Variants in TIMM17A observed in about 807,000 individuals in gnomAD.
TIMM17A encodes the protein translocase of inner mitochondrial membrane 17A, also known as mitochondrial import inner membrane translocase subunit Tim17-A.
TIMM17A carries 15 observed loss-of-function variants against 26.5 expected under a neutral mutation model. The observed-to-expected ratio is 0.57, with a 90% CI of 0.38 to 0.87. The LOEUF is 0.87. Among genes scored for constraint, TIMM17A ranks in the 40% least tolerant of loss-of-function variants. The pLI is 0.00. For missense variants in TIMM17A, 201 were observed against 210.0 expected, an observed-to-expected ratio of 0.96 and a Z score of 0.27; for synonymous variants, 80 against 70.8, an observed-to-expected ratio of 1.13 and a Z score of -0.66.
At chr1:201,965,052 A>G (rs1018084470) in intron 4 of TIMM17A, among the ~76,000 whole-genome samples, 1 of 151,952 alleles carries the variant, frequency 6.6e-6, no homozygotes, top group Admixed American at 6.6e-5. Flanking sequence ...CCTGGGTTCA[A>G]GCAATTCTCC....
At chr1:201,967,788 C>T (rs932858717) in intron 5 of TIMM17A, among the ~76,000 whole-genome samples, 2 of 152,018 alleles carry the variant, frequency 1.3e-5, no homozygotes, top group Admixed American at 6.6e-5. Flanking sequence ...CTCCCTGCCT[C>T]GGCCTCCCAA....
Position 201,957,376 on chromosome 1 carries a change from C to T in TIMM17A, c.122C>T (p.Pro41Leu). ...FQAIKGFRNS[P>L]VGVNHRLRGS... is the part of the protein sequence containing the mutation. ...GCAATCAAAGGTTTTCGCAATTCTC[C>T]AGTGGTAAGTGGGTGAATGGTCTTA... The change falls in exon 2 of 6, where the codon CCA (proline) becomes CTA (leucine). Residue 41 changes from proline (P) to leucine (L), a missense_variant. Physicochemically the swap from Pro to Leu is moderately conservative, Grantham distance 98. Transcript: ENST00000367287. 1 of 1,612,526 alleles carries T rather than the reference C, an allele frequency of 6.2e-7. No individual in the cohort carries two copies. The highest frequency in any genetic ancestry group is 8.5e-7 in the Non-Finnish European group (1 of 1,178,588).
intron 1 of TIMM17A, among the ~76,000 whole-genome samples, 175 bp downstream of exon 1, chr1:201,955,727 G>A (rs989248374): frequency 6.6e-6 from 1 of 152,212 alleles, no homozygotes; most frequent in African/African-American, 2.4e-5. Flanking sequence ...CCTGTACTTA[G>A]TACCTCCCCG....
In TIMM17A at chr1:201,957,646, A is replaced by T. The variant is rs560469476; in HGVS notation, c.190+72A>T. The stretch of plus-strand genomic sequence containing the variant: ...TGAAGATGGAGCTATTTTTATTTTT[A>T]GATTACAACAATTAGTGATTTTAGT... On this transcript the variant is annotated intron_variant, in intron 3 of 5. Transcript: ENST00000367287. 3.2e-4 allele frequency: 408 copies of T among 1,276,842 alleles called. 2 individuals are homozygous for T. In the African/African-American group the frequency reaches 5.7e-3, roughly 18 times the overall value. 79.1% of individuals were successfully genotyped at this position (1,276,842 alleles called of 1,614,324 possible).
chr1:201,969,719 A>G lies in TIMM17A; in HGVS notation c.*165A>G, dbSNP rs1682698474. The G allele has an allele frequency of 1.9e-6, 1 of 532,318 alleles. No homozygotes were observed. Among genetic ancestry groups the G allele is most frequent in the Middle Eastern group, 2.8e-4 (1 of 3,616 alleles). The allele number at this position is 532,318 out of a possible 1,614,324, so 33.0% of individuals were successfully genotyped here. ...TTCTATTTAAAGGAACAAGCGGGGA[A>G]GGGTGCTAAAAGATAATACGTTTAT... On this transcript the variant is annotated 3_prime_UTR_variant, in exon 6 of 6. Transcript: ENST00000367287.
rs140963262 is a variant in TIMM17A at position 201,957,681 on chromosome 1, C to T, written c.190+107C>T. On this transcript the variant is annotated intron_variant, in intron 3 of 5. Transcript: ENST00000367287. ...AATTAGTGATTTTAGTTTGGTCTAA[C>T]GGTTTGTCACAAACATATATCCCTA... is the stretch of plus-strand genomic sequence containing the variant. 2.9e-5 allele frequency: 27 copies of T among 920,814 alleles called. No homozygotes were observed. The East Asian group carries it at 4.9e-4, about 17-fold the overall frequency. 57.0% of individuals were successfully genotyped at this position (920,814 alleles called of 1,614,324 possible). A position where few individuals can be genotyped will look rare whatever the true frequency, so the allele number is the denominator to read the frequency against.
At chr1:201,955,719 T>TA (rs2102940050) in intron 1 of TIMM17A, among the ~76,000 whole-genome samples, 167 bp downstream of exon 1, 1 of 152,362 alleles carries the variant, frequency 6.6e-6, no homozygotes, top group East Asian at 1.9e-4. Context: ...TTCTTAGCCC[T>TA]GTACTTAGTA....
Position 201,969,586 on chromosome 1 carries a change from G to A in TIMM17A, c.*32G>A, listed in dbSNP as rs752146050. 4.5e-6 allele frequency: 7 copies of A among 1,563,210 alleles called. No individual in the cohort carries two copies. The highest frequency in any genetic ancestry group is 6.2e-6 in the Non-Finnish European group (7 of 1,135,740). ...TTTCCTAGGATTTCTTTAACAGAAC[G>A]AGTTGTGGTTCGAGAAGGATTTCAG... On this transcript the variant is annotated 3_prime_UTR_variant, in exon 6 of 6. Transcript: ENST00000367287.
intron 1 of TIMM17A, among the ~76,000 whole-genome samples, chr1:201,956,576 G>A (rs987365097): frequency 6.6e-6 from 1 of 152,178 alleles, no homozygotes; most frequent in Non-Finnish European, 1.5e-5. Context: ...CAGATATGTA[G>A]GACTCAGCAC....
chr1:201,963,653 T>G lies in TIMM17A; in HGVS notation c.228T>G (p.Ile76Met). 6.2e-6 allele frequency: 10 copies of G among 1,609,016 alleles called. No individual in the cohort carries two copies. The highest frequency in any genetic ancestry group is 8.5e-6 in the Non-Finnish European group (10 of 1,178,788). Residue 76 changes from isoleucine (I) to methionine (M), a missense_variant, in exon 4 of 6, where the codon ATT becomes ATG. Ile to Met is a conservative substitution (Grantham distance 10, BLOSUM62 1). Transcript: ENST00000367287. ...TTTGGGGAGGGCTGTTTTCCATGAT[T>G]GACTGTAGTATGGTTCAAGTCAGAG... ...FAVWGGLFSM[I>M]DCSMVQVRGK...
chr1:201,955,699 G>A (rs1309154921), intron 1 of TIMM17A, 147 bp downstream of exon 1: 13 of 1,136,228 alleles, frequency 1.1e-5, no homozygotes, highest in African/African-American at 4.6e-5. Flanking sequence ...GTCTTTCGCG[G>A]CCAGTCGGCT....
chr1:201,967,395 A>C (rs916540531), intron 5 of TIMM17A, among the ~76,000 whole-genome samples: 1 of 152,252 alleles, frequency 6.6e-6, no homozygotes, highest in East Asian at 1.9e-4. Flanking sequence ...TAAAACATCA[A>C]AACAGTTCCA....
intron 5 of TIMM17A, among the ~76,000 whole-genome samples, chr1:201,967,517 T>TTTTATTTATTTTATTTA (rs1553301606): frequency 1.4e-4 from 20 of 142,900 alleles, no homozygotes; most frequent in South Asian, 4.4e-4. Flanking sequence ...GGAATCTCCT[T>TTTTATTTATTTTATTTA]TTTATTTATT....
chr1:201,970,514 G>A lies in TIMM17A; in HGVS notation c.*960G>A, dbSNP rs757923136. ...ACATTTGCCTACATCTGTGGGAAAT[G>A]GAGAACAAAGCCATGTGGGTACTGT... On this transcript the variant is annotated 3_prime_UTR_variant, in exon 6 of 6. Coordinates refer to ENST00000367287, the MANE Select transcript of TIMM17A (RefSeq NM_006335.3). 1 of 152,186 alleles carries A rather than the reference G, an allele frequency of 6.6e-6. No homozygotes were observed. Among genetic ancestry groups the A allele is most frequent in the Non-Finnish European group, 1.5e-5 (1 of 68,030 alleles). 9.4% of individuals were successfully genotyped at this position (152,186 alleles called of 1,614,324 possible). A position where few individuals can be genotyped will look rare whatever the true frequency, so the allele number is the denominator to read the frequency against.
chr1:201,957,329 C>T lies in TIMM17A; in HGVS notation c.75C>T (p.Thr25=), dbSNP rs1279862574. The change falls in exon 2 of 6, where the codon ACC becomes ACT. Residue 25 remains threonine (T), a synonymous_variant. Coordinates refer to ENST00000367287, the MANE Select transcript of TIMM17A (RefSeq NM_006335.3). The part of the protein sequence containing the change: ...DDCGGAFTMG[T]IGGGIFQAIK... The stretch of plus-strand genomic sequence containing the variant: ...GTGGTGGGGCCTTTACGATGGGTAC[C>T]ATTGGTGGTGGTATCTTTCAAGCAA... 6.2e-7 allele frequency: 1 copy of T among 1,613,874 alleles called. No homozygotes were observed. The highest frequency in any genetic ancestry group is 1.3e-5 in the African/African-American group (1 of 74,880).
In TIMM17A at chr1:201,957,495, C is replaced by G; in HGVS notation, c.127-16C>G. 6.2e-7 allele frequency: 1 copy of G among 1,607,756 alleles called. No individual in the cohort carries two copies. The highest frequency in any genetic ancestry group is 8.5e-7 in the Non-Finnish European group (1 of 1,176,956). ...CTTCTAATATATTTTTTGTTGCTTC[C>G]TTTTTTTTGTTATAGGGAGTAAACC... On this transcript the variant is annotated splice_polypyrimidine_tract_variant and intron_variant, in intron 2 of 5. Coordinates refer to ENST00000367287, the MANE Select transcript of TIMM17A (RefSeq NM_006335.3).
At chr1:201,965,725 G>A (rs1381231094) in intron 5 of TIMM17A, among the ~76,000 whole-genome samples, 182 bp downstream of exon 5, 4 of 152,178 alleles carry the variant, frequency 2.6e-5, no homozygotes, top group Non-Finnish European at 5.9e-5. Flanking sequence ...AAAATTTTTT[G>A]TATAAATTTG....
At chr1:201,966,761 G>C (rs922416366) in intron 5 of TIMM17A, among the ~76,000 whole-genome samples, 6 of 150,324 alleles carry the variant, frequency 4.0e-5, no homozygotes, top group African/African-American at 1.2e-4. Context: ...AGAATCACTT[G>C]AACCTGGGAG....
At chr1:201,968,668 C>G (rs1190819854) in intron 5 of TIMM17A, among the ~76,000 whole-genome samples, 1 of 152,132 alleles carries the variant, frequency 6.6e-6, no homozygotes, top group Non-Finnish European at 1.5e-5. Context: ...GCCACCGCAC[C>G]CGGCCCCAGC....
Sources: gnomAD v4.1 joint callset for allele counts (sites outside exome capture counted in the v4.1 genomes callset) on GRCh38, gnomAD v4.1.1 for gene constraint, MANE v1.5 for transcripts, NCBI Gene and HGNC (gene_info 2026-07-23, HGNC 2026-07-21) for gene names.